Variants in NOL10 observed in about 807,000 individuals in gnomAD.
The protein encoded by NOL10 is H_NH0074G24.1.
In NOL10, 58 loss-of-function variants were observed where a neutral mutation model predicts 103.5. The observed-to-expected ratio is 0.56, with a 90% confidence interval of 0.45 to 0.70. NOL10 has a LOEUF of 0.70. NOL10 is among the 30% of genes least tolerant of loss of function. NOL10 has a pLI of 0.00. For synonymous variants in NOL10, 287 were observed against 282.5 expected (o/e 1.02, Z -0.16); for missense variants, 763 against 807.3 (o/e 0.95, Z 0.67).
chr2:10,615,874 G>T (rs777003488), intron 13 of NOL10, among the ~76,000 whole-genome samples: 7 of 152,154 alleles, frequency 4.6e-5, no homozygotes, highest in Non-Finnish European at 7.3e-5. Flanking sequence ...CTGGAGGAGG[G>T]GAACCAAAGC....
intron 16 of NOL10, 40 bp from the exon 17 acceptor site, chr2:10,600,982 A>C: frequency 8.0e-7 from 1 of 1,255,172 alleles, no homozygotes; most frequent in Non-Finnish European, 1.1e-6. Flanking sequence ...TTTTATTTTA[A>C]AAGCTAACAT....
At chr2:10,620,968 T>C (rs1257048862) in intron 13 of NOL10, among the ~76,000 whole-genome samples, 1 of 152,280 alleles carries the variant, frequency 6.6e-6, no homozygotes, top group East Asian at 1.9e-4. Flanking sequence ...GCGAATTTTC[T>C]GTATTTTAAT....
At chr2:10,628,696 G>A (rs1677642681) in intron 13 of NOL10, among the ~76,000 whole-genome samples, 1 of 152,102 alleles carries the variant, frequency 6.6e-6, no homozygotes, top group Non-Finnish European at 1.5e-5. Context: ...CTTGCACCTG[G>A]TGACTACGTC....
At chr2:10,589,879 A>G (rs546835758) in intron 17 of NOL10, 128 bp from the exon 18 acceptor site, 21 of 531,430 alleles carry the variant, frequency 4.0e-5, no homozygotes, top group Non-Finnish European at 5.7e-5. Context: ...TTATTAACTC[A>G]TTATGAAATT....
chr2:10,662,223 T>C (rs2148325397), intron 9 of NOL10, among the ~76,000 whole-genome samples: 1 of 151,440 alleles, frequency 6.6e-6, no homozygotes, highest in East Asian at 1.9e-4. Context: ...GTAAAGAACT[T>C]AGACCCAGTA....
chr2:10,618,738 T>C (rs1252303712), intron 13 of NOL10, among the ~76,000 whole-genome samples: 1 of 152,120 alleles, frequency 6.6e-6, no homozygotes, highest in Non-Finnish European at 1.5e-5. Context: ...ACTACCCCAA[T>C]AAACAAATAA....
At chr2:10,630,168 C>T (rs1677740380) in intron 13 of NOL10, among the ~76,000 whole-genome samples, 1 of 152,200 alleles carries the variant, frequency 6.6e-6, no homozygotes, top group South Asian at 2.1e-4. Context: ...ATCAGCTGAA[C>T]ATGAGAAATG....
At chr2:10,637,558 G>C (rs1369689397) in intron 13 of NOL10, among the ~76,000 whole-genome samples, 1 of 152,180 alleles carries the variant, frequency 6.6e-6, no homozygotes, top group Non-Finnish European at 1.5e-5. Flanking sequence ...TCACCTCTGC[G>C]GGGAGTGTGC....
At chr2:10,596,434 C>A (rs961356865) in intron 17 of NOL10, among the ~76,000 whole-genome samples, 1 of 152,054 alleles carries the variant, frequency 6.6e-6, no homozygotes, top group Admixed American at 6.6e-5. Flanking sequence ...AAAGTCCCAT[C>A]GGGGGCTAAT....
At chr2:10,684,714 T>C (rs1682028811) in intron 1 of NOL10, 102 bp from the exon 2 acceptor site, 2 of 809,694 alleles carry the variant, frequency 2.5e-6, no homozygotes, top group South Asian at 1.7e-5. Flanking sequence ...TCAAACTTCA[T>C]AGGAATATAT....
rs1237547795 is a variant in NOL10 at position 10,587,234 on chromosome 2, TATATAC to T, written c.1844+1803_1844+1808del. Among the ~76,000 whole-genome samples, 10 of 52,544 alleles carry T rather than the reference TATATAC, an allele frequency of 1.9e-4. 3 individuals carry two copies. In the South Asian group the frequency reaches 2.6e-3, roughly 14 times the overall value. 34.5% of individuals were successfully genotyped at this position (52,544 alleles called of 152,430 possible). A position where few individuals can be genotyped will look rare whatever the true frequency, so the allele number is the denominator to read the frequency against. On this transcript the variant is annotated intron_variant, in intron 19 of 20. Coordinates refer to ENST00000381685, the MANE Select transcript of NOL10 (RefSeq NM_024894.4). ...ATATATATACATATATATACATATA[TATATAC>T]ATACATATATATATATACACATATA... is the stretch of plus-strand genomic sequence containing the variant.
chr2:10,618,034 GTTTT>G lies in NOL10; in HGVS notation c.1027-10727_1027-10724del, dbSNP rs36205939. Among the ~76,000 whole-genome samples the G allele has an allele frequency of 1.1e-3, 155 of 145,904 alleles. 2 individuals carry two copies. The Middle Eastern group carries it at 0.018, about 17-fold the overall frequency. ...CACAACTCTGGACTGTACACTTCAT[GTTTT>G]TTTTTTTTTTTCTTTTTTATTTGAG... is the stretch of plus-strand genomic sequence containing the variant. On this transcript the variant is annotated intron_variant, in intron 13 of 20. Transcript: ENST00000381685.
At chr2:10,605,617 G>C (rs1676211356) in intron 14 of NOL10, among the ~76,000 whole-genome samples, 1 of 151,988 alleles carries the variant, frequency 6.6e-6, no homozygotes, top group African/African-American at 2.4e-5. Flanking sequence ...AATAAACCCA[G>C]TAAAGAAACT....
chr2:10,589,160 C>A lies in NOL10; in HGVS notation c.1727G>T (p.Arg576Leu). Residue 576 changes from arginine to leucine, a missense_variant, in exon 19 of 21, where the codon CGG (arginine) becomes CTG (leucine). By Grantham distance (102) the Arg-to-Leu change is moderately radical. Coordinates refer to ENST00000381685, the MANE Select transcript of NOL10 (RefSeq NM_024894.4). ...CTGGTCCTCCTTGAGTCGTTCCTGC[C>A]GCTTCACTTTTTCCTCCTGCTGGAG... ...RLLQQEEKVKRQERLKEDQQT... is the reference protein window; with the variant it reads ...RLLQQEEKVKLQERLKEDQQT... 2 of 1,613,976 alleles carry A rather than the reference C, an allele frequency of 1.2e-6. No homozygotes were observed. The highest frequency in any genetic ancestry group is 8.5e-7 in the Non-Finnish European group (1 of 1,179,892).
intron 13 of NOL10, among the ~76,000 whole-genome samples, chr2:10,637,201 A>AAAAC (rs1678307112): frequency 6.6e-6 from 1 of 150,494 alleles, no homozygotes; most frequent in Non-Finnish European, 1.5e-5. Context: ...AAAAAAAAAA[A>AAAAC]AAAAAAAAAA....
At chr2:10,581,764 T>C (rs1674767100) in intron 19 of NOL10, among the ~76,000 whole-genome samples, 1 of 152,104 alleles carries the variant, frequency 6.6e-6, no homozygotes, top group Non-Finnish European at 1.5e-5. Flanking sequence ...GAGGCTGCAG[T>C]GAACCATGAT....
chr2:10,646,890 C>T (rs1317836652), intron 12 of NOL10, among the ~76,000 whole-genome samples: 1 of 152,106 alleles, frequency 6.6e-6, no homozygotes, highest in African/African-American at 2.4e-5. Context: ...CACATGGCAA[C>T]GTGAAAGATG....
chr2:10,581,961 G>A (rs1674778520), intron 19 of NOL10, among the ~76,000 whole-genome samples: 1 of 152,178 alleles, frequency 6.6e-6, no homozygotes, highest in Non-Finnish European at 1.5e-5. Flanking sequence ...TGACCTCAGG[G>A]AGGGAGGTGG....
At chr2:10,671,731 GT>G in intron 5 of NOL10, 41 bp from the exon 6 acceptor site, 1 of 1,469,078 alleles carries the variant, frequency 6.8e-7, no homozygotes, top group Non-Finnish European at 9.2e-7. Context: ...TAGGTTTCTA[GT>G]TAGGTGTTTA....
Sources: allele counts gnomAD v4.1 joint callset (sites outside exome capture counted in the v4.1 genomes callset), GRCh38; gene constraint gnomAD v4.1.1; transcripts MANE v1.5; gene names NCBI Gene and HGNC (gene_info 2026-07-23, HGNC 2026-07-21).